KIF16B: variants seen among roughly 807,000 people sequenced by gnomAD.
The protein encoded by KIF16B is kinesin family member 16B, also known as kinesin-like protein KIF16B.
In KIF16B, 98 loss-of-function variants were observed where a neutral mutation model predicts 156.3. The observed-to-expected ratio is 0.63, with a 90% confidence interval of 0.53 to 0.74. The LOEUF (loss-of-function observed/expected upper bound fraction) is 0.74. Among genes scored for constraint, KIF16B ranks in the 30% least tolerant of loss-of-function variants. The pLI is 0.00. For missense variants in KIF16B, 1,421 were observed against 1,606.5 expected (o/e 0.88, Z 1.97); for synonymous variants, 564 against 583.7 (o/e 0.97, Z 0.49).
intron 23 of KIF16B, among the ~76,000 whole-genome samples, chr20:16,341,948 A>T (rs2064146867): frequency 6.6e-6 from 1 of 152,192 alleles, no homozygotes; most frequent in African/African-American, 2.4e-5. Context: ...GTGAATAAAG[A>T]AATATAGTAT....
rs1282231779 is a variant in KIF16B, at chr20:16,466,488, T to C, written c.1302+27803A>G. Among the ~76,000 whole-genome samples, 12 of 152,154 alleles carry C rather than the reference T, an allele frequency of 7.9e-5. No homozygotes were observed. The East Asian group carries it at 2.3e-3, about 29-fold the overall frequency. Reference sequence around the variant, plus strand: ...GAATCACAAGGGTGGGTTTTTCCCATGCTGTTCTCTTGACGGTGAATAAGT... The same window carrying C: ...GAATCACAAGGGTGGGTTTTTCCCACGCTGTTCTCTTGACGGTGAATAAGT... On this transcript the variant is annotated intron_variant, in intron 12 of 25. Transcript: ENST00000354981.
intron 10 of KIF16B, among the ~76,000 whole-genome samples, chr20:16,497,955 AAC>A (rs11468901): frequency 0.23 from 34,389 of 152,102 alleles, 4,448 homozygotes; most frequent in East Asian, 0.35. Flanking sequence ...ACCAAAATCA[AAC>A]ACAGTCTAAA....
intron 12 of KIF16B, among the ~76,000 whole-genome samples, chr20:16,487,510 C>A (rs1309166718): frequency 1.3e-5 from 2 of 152,088 alleles, no homozygotes; most frequent in African/African-American, 4.8e-5. Flanking sequence ...AAACTGCAGG[C>A]AGCCAGAGAA....
chr20:16,319,890 G>A lies in KIF16B; in HGVS notation c.3712-7472C>T, dbSNP rs572680639. Among the ~76,000 whole-genome samples, 7 of 152,258 alleles carry A rather than the reference G, an allele frequency of 4.6e-5. No individual in the cohort carries two copies. The South Asian group carries it at 1.0e-3, about 23-fold the overall frequency. ...CTCTCTGTTCTCCTTCACAAGGCTC[G>A]CTCTTAAGAGAAAGTGTTTTACCAG... On this transcript the variant is annotated intron_variant, in intron 24 of 25. Coordinates refer to ENST00000354981, the MANE Select transcript of KIF16B (RefSeq NM_024704.5).
At chr20:16,460,522 A>G (rs2067318653) in intron 12 of KIF16B, among the ~76,000 whole-genome samples, 1 of 152,134 alleles carries the variant, frequency 6.6e-6, no homozygotes, top group South Asian at 2.1e-4. Flanking sequence ...AGATCGCACC[A>G]CTGCACTCAA....
At chr20:16,329,079 A>G (rs1011644537) in intron 24 of KIF16B, among the ~76,000 whole-genome samples, 8 of 152,226 alleles carry the variant, frequency 5.3e-5, no homozygotes, top group African/African-American at 1.4e-4. Flanking sequence ...TCTTGGAAGC[A>G]GTAACTCTCC....
intron 23 of KIF16B, among the ~76,000 whole-genome samples, chr20:16,355,544 G>A: frequency 6.6e-6 from 1 of 152,102 alleles, no homozygotes; most frequent in African/African-American, 2.4e-5. Context: ...GCACACACTG[G>A]TGATCCTAGT....
Position 16,526,130 on chromosome 20 carries a change from C to T in KIF16B, c.193G>A (p.Ala65Thr). 6.2e-7 allele frequency: 1 copy of T among 1,605,694 alleles called. No individual in the cohort carries two copies. Among genetic ancestry groups the T allele is most frequent in the Non-Finnish European group, 8.5e-7 (1 of 1,175,404 alleles). Reference sequence around the variant, plus strand: ...ACGTAATCTGGGCTTTTTGTATCAGCAGAATAAAAAGAAAAGTCATAGGTG... The same window carrying T: ...ACGTAATCTGGGCTTTTTGTATCAGTAGAATAAAAAGAAAAGTCATAGGTG... ...TFTYDFSFYS[A>T]DTKSPDYVSQ... The change falls in exon 3 of 26, where the codon GCT becomes ACT. Residue 65 changes from alanine (A) to threonine (T), a missense_variant. By Grantham distance (58) the Ala-to-Thr change is moderately conservative. Coordinates refer to ENST00000354981, the MANE Select transcript of KIF16B (RefSeq NM_024704.5).
At chr20:16,447,220 T>C (rs887909158) in intron 12 of KIF16B, among the ~76,000 whole-genome samples, 3 of 152,014 alleles carry the variant, frequency 2.0e-5, no homozygotes, top group South Asian at 2.1e-4. Context: ...AGATCTACTA[T>C]GGCCTAAAAA....
chr20:16,351,626 A>G (rs989883678), intron 23 of KIF16B, among the ~76,000 whole-genome samples: 1 of 152,202 alleles, frequency 6.6e-6, no homozygotes, highest in East Asian at 1.9e-4. Flanking sequence ...GAGAGAAGCC[A>G]GACTGGCACT....
intron 17 of KIF16B, among the ~76,000 whole-genome samples, chr20:16,388,899 G>A (rs997475029): frequency 1.3e-5 from 2 of 152,080 alleles, no homozygotes; most frequent in Non-Finnish European, 2.9e-5. Context: ...CTATGATGTC[G>A]TTTCAGTTTC....
At chr20:16,558,029 C>G (rs188788221) in intron 1 of KIF16B, among the ~76,000 whole-genome samples, 100 of 152,076 alleles carry the variant, frequency 6.6e-4, no homozygotes, top group Middle Eastern at 3.4e-3. Context: ...AGAGGGGGGA[C>G]AGGAAACACC....
intron 12 of KIF16B, among the ~76,000 whole-genome samples, chr20:16,444,261 C>A (rs923752048): frequency 2.0e-5 from 3 of 152,220 alleles, no homozygotes; most frequent in African/African-American, 7.2e-5. Context: ...CAGTTCCACC[C>A]CTAGGCCCTA....
At chr20:16,424,494 C>T (rs2066305601) in intron 15 of KIF16B, among the ~76,000 whole-genome samples, 1 of 152,114 alleles carries the variant, frequency 6.6e-6, no homozygotes, top group Non-Finnish European at 1.5e-5. Flanking sequence ...CTCTCCAATT[C>T]CTATGTCACA....
intron 1 of KIF16B, among the ~76,000 whole-genome samples, chr20:16,566,476 G>A (rs2071260055): frequency 6.6e-6 from 1 of 152,236 alleles, no homozygotes; most frequent in South Asian, 2.1e-4. Context: ...GCGAAAGACA[G>A]CCCTGTTTTA....
chr20:16,385,888 T>C (rs892107590), intron 17 of KIF16B, among the ~76,000 whole-genome samples: 4 of 152,316 alleles, frequency 2.6e-5, no homozygotes, highest in South Asian at 2.1e-4. Flanking sequence ...ACATGAGAAA[T>C]GGCAATGTTA....
chr20:16,570,774 G>T (rs915677580), intron 1 of KIF16B, among the ~76,000 whole-genome samples: 2 of 152,034 alleles, frequency 1.3e-5, no homozygotes, highest in African/African-American at 4.8e-5. Flanking sequence ...TCCCTTTCCT[G>T]CCATGACCAT....
intron 25 of KIF16B, among the ~76,000 whole-genome samples, chr20:16,291,807 A>T (rs1775554051): frequency 6.6e-6 from 1 of 152,218 alleles, no homozygotes; most frequent in Admixed American, 6.5e-5. Context: ...TGTGAACTGG[A>T]AGATAAGCAC....
chr20:16,443,445 C>A (rs1440322543), intron 12 of KIF16B, among the ~76,000 whole-genome samples: 2 of 152,188 alleles, frequency 1.3e-5, no homozygotes, highest in Non-Finnish European at 2.9e-5. Context: ...AACCATCTGC[C>A]ACTCAAGTCC....
Sources: allele counts gnomAD v4.1 joint callset (sites outside exome capture counted in the v4.1 genomes callset), GRCh38; gene constraint gnomAD v4.1.1; transcripts MANE v1.5; gene names NCBI Gene and HGNC (gene_info 2026-07-23, HGNC 2026-07-21).